The following NAT2 variants were observed in gnomAD, a reference collection of about 807,000 sequenced individuals.
The protein encoded by NAT2 is arylamine N-acetyltransferase 2.
For synonymous variants in NAT2, 137 were observed against 125.9 expected (o/e 1.09, Z -0.59); for missense variants, 428 against 339.1 (o/e 1.26, Z -2.06).
chr8:18,400,916 A>G lies in NAT2; in HGVS notation c.*40A>G, dbSNP rs760891677. ...TAAACCCTTGTGTATGTATCACCCA[A>G]CTCACTAATTATCAACTTATGTGCT... On this transcript the variant is annotated 3_prime_UTR_variant, in exon 2 of 2. Transcript: ENST00000286479. The G allele has an allele frequency of 2.1e-6, 3 of 1,456,646 alleles. No individual in the cohort carries two copies. The highest frequency in any genetic ancestry group is 2.8e-6 in the Non-Finnish European group (3 of 1,084,568). The allele number at this position is 1,456,646 out of a possible 1,614,324, so 90.2% of individuals were successfully genotyped here.
upstream of NAT2, chr8:18,387,714 G>C (rs550089976): frequency 6.4e-6 from 1 of 155,812 alleles, no homozygotes; most frequent in East Asian, 1.9e-4. Context: ...TTTCTCCAAA[G>C]CGCTTGGCCT....
rs1208793402 is a variant in NAT2 at position 18,400,093 on chromosome 8, C to T, written c.90C>T (p.His30=). The change falls in exon 2 of 2, where the codon CAC becomes CAT. Residue 30 remains histidine, a synonymous_variant. Coordinates refer to ENST00000286479, the MANE Select transcript of NAT2 (RefSeq NM_000015.3). ...AAACATTAACTGACATTCTTGAGCA[C>T]CAGATCCGGGCTGTTCCCTTTGAGA... ...DLETLTDILE[H]QIRAVPFENL... The T allele has an allele frequency of 6.2e-7, 1 of 1,613,770 alleles. No homozygotes were observed. Among genetic ancestry groups the T allele is most frequent in the African/African-American group, 1.3e-5 (1 of 74,866 alleles).
At chr8:18,392,438 G>A (rs1384667504) in intron 1 of NAT2, among the ~76,000 whole-genome samples, 1 of 152,248 alleles carries the variant, frequency 6.6e-6, no homozygotes, top group Admixed American at 6.5e-5. Context: ...GATGTTTGAG[G>A]GCAGGAAGCA....
In NAT2 at chr8:18,401,209, T is replaced by G. The variant is rs928157274; in HGVS notation, c.*333T>G. On this transcript the variant is annotated 3_prime_UTR_variant, in exon 2 of 2. Transcript: ENST00000286479. The stretch of plus-strand genomic sequence containing the variant: ...TTACTGGTAAATGAATAAAGAATAT[T>G]GTGGAAAAACTCACTGTCTCTAAAG... 2 of 197,816 alleles carry G rather than the reference T, an allele frequency of 1.0e-5. No homozygotes were observed. The highest frequency in any genetic ancestry group is 2.2e-5 in the Non-Finnish European group (2 of 89,858). 12.3% of individuals were successfully genotyped at this position (197,816 alleles called of 1,614,324 possible).
upstream of NAT2, among the ~76,000 whole-genome samples, chr8:18,389,086 G>A (rs182725558): frequency 6.6e-6 from 1 of 152,226 alleles, no homozygotes; most frequent in African/African-American, 2.4e-5. Context: ...TTCCCATGAC[G>A]GTTCTTGCTG....
At chr8:18,398,284 T>A (rs1800726154) in intron 1 of NAT2, among the ~76,000 whole-genome samples, 1 of 152,230 alleles carries the variant, frequency 6.6e-6, no homozygotes, top group Non-Finnish European at 1.5e-5. Context: ...GAGCATGTAC[T>A]CCTTCCTTCT....
intron 1 of NAT2, among the ~76,000 whole-genome samples, chr8:18,395,284 G>A (rs1425261252): frequency 6.6e-6 from 1 of 151,984 alleles, no homozygotes; most frequent in African/African-American, 2.4e-5. Flanking sequence ...CACCAAAGTA[G>A]AACAACTGTC....
chr8:18,398,414 G>A (rs560297529), intron 1 of NAT2, among the ~76,000 whole-genome samples: 50 of 152,222 alleles, frequency 3.3e-4, no homozygotes, highest in East Asian at 1.4e-3. Context: ...CTTTGTGGCT[G>A]GTTTTGAGAA....
chr8:18,388,051 C>T (rs542656008), upstream of NAT2, among the ~76,000 whole-genome samples: 3 of 152,274 alleles, frequency 2.0e-5, no homozygotes, highest in East Asian at 5.8e-4. Flanking sequence ...TTATTTTTCT[C>T]CACCTTCTGC....
chr8:18,388,287 C>G (rs937973365), upstream of NAT2, among the ~76,000 whole-genome samples: 2 of 152,122 alleles, frequency 1.3e-5, no homozygotes, highest in African/African-American at 2.4e-5. Flanking sequence ...GCTTTAGTTT[C>G]TAGAATTGAG....
intron 1 of NAT2, 107 bp from the exon 2 acceptor site, chr8:18,399,891 C>T (rs745504057): frequency 8.9e-6 from 11 of 1,233,368 alleles, no homozygotes; most frequent in Non-Finnish European, 1.2e-5. Flanking sequence ...ATACTTATAA[C>T]CATTGTGTTT....
At chr8:18,395,926 A>T (rs1800681553) in intron 1 of NAT2, among the ~76,000 whole-genome samples, 2 of 150,960 alleles carry the variant, frequency 1.3e-5, no homozygotes, top group Admixed American at 6.6e-5. Context: ...AGGCCAACTA[A>T]ATTTGTCTCT....
Position 18,400,685 on chromosome 8 carries a change from C to G in NAT2, c.682C>G (p.Pro228Ala), listed in dbSNP as rs150329557. 1.2e-6 allele frequency: 2 copies of G among 1,613,866 alleles called. No homozygotes were observed. Among genetic ancestry groups the G allele is most frequent in the African/African-American group, 1.3e-5 (1 of 74,980 alleles). Residue 228 changes from proline to alanine, a missense_variant, in exon 2 of 2, where the codon CCA becomes GCA. Coordinates refer to ENST00000286479, the MANE Select transcript of NAT2 (RefSeq NM_000015.3). The stretch of plus-strand genomic sequence containing the variant: ...CACATCATTTTGTTCCTTGCAGACC[C>G]CAGAAGGGGTTTACTGTTTGGTGGG... Reference protein sequence around the residue: ...ITTSFCSLQTPEGVYCLVGFI... With the variant: ...ITTSFCSLQTAEGVYCLVGFI...
chr8:18,398,388 G>A (rs1800727637), intron 1 of NAT2, among the ~76,000 whole-genome samples: 1 of 152,150 alleles, frequency 6.6e-6, no homozygotes, highest in Non-Finnish European at 1.5e-5. Flanking sequence ...GGGCAAATTA[G>A]AGTAATATTT....
At chr8:18,398,996 T>G (rs1397890736) in intron 1 of NAT2, among the ~76,000 whole-genome samples, 1 of 152,182 alleles carries the variant, frequency 6.6e-6, no homozygotes. Context: ...TCATCCTGTC[T>G]CACTTTGATT....
intron 1 of NAT2, among the ~76,000 whole-genome samples, chr8:18,399,749 C>A (rs45605531): frequency 6.6e-6 from 1 of 151,972 alleles, no homozygotes; most frequent in African/African-American, 2.4e-5. Flanking sequence ...TCTGGATTTC[C>A]AACTCCTCAT....
chr8:18,394,535 C>T (rs1800650119), intron 1 of NAT2, among the ~76,000 whole-genome samples: 1 of 152,086 alleles, frequency 6.6e-6, no homozygotes, highest in Non-Finnish European at 1.5e-5. Context: ...CTGAGCCCAA[C>T]CAAGGATTTA....
At chr8:18,388,542 A>G (rs1288720990), upstream of NAT2, among the ~76,000 whole-genome samples, 1 of 149,152 alleles carries the variant, frequency 6.7e-6, no homozygotes, top group East Asian at 2.0e-4. Flanking sequence ...TTGGATATAG[A>G]ACCCTTCTTC....
At position 18,400,247 on chromosome 8, in the gene NAT2, A is replaced by T. The variant is rs1342819768; in HGVS notation, c.244A>T (p.Ile82Phe). Residue 82 changes from isoleucine to phenylalanine, a missense_variant, in exon 2 of 2, where the codon ATC becomes TTC. Ile to Phe is a conservative substitution (Grantham distance 21). Transcript: ENST00000286479. ...NQLLYWALTT[I>F]GFQTTMLGGY... ...ACTTCTGTACTGGGCTCTGACCACAATCGGTTTTCAGACCACAATGTTAGG... is the reference window on the plus strand; with the variant it reads ...ACTTCTGTACTGGGCTCTGACCACATTCGGTTTTCAGACCACAATGTTAGG... The T allele has an allele frequency of 1.2e-5, 19 of 1,612,580 alleles. No homozygotes were observed. Among genetic ancestry groups the T allele is most frequent in the Non-Finnish European group, 1.6e-5 (19 of 1,179,146 alleles).
Sources: gnomAD v4.1 joint callset for allele counts (sites outside exome capture counted in the v4.1 genomes callset) on GRCh38, gnomAD v4.1.1 for gene constraint, MANE v1.5 for transcripts, NCBI Gene and HGNC (gene_info 2026-07-23, HGNC 2026-07-21) for gene names.